The following SSC4D variants were observed in gnomAD, a reference collection of about 807,000 sequenced individuals.
SSC4D encodes the protein scavenger receptor cysteine-rich domain-containing group B protein.
Under a neutral mutation model 63.4 loss-of-function variants are expected in SSC4D, and 57 were observed. The observed-to-expected ratio is 0.90, with a 90% CI of 0.73 to 1.12. SSC4D has a LOEUF of 1.12. SSC4D is among the 50% of genes most tolerant of loss of function. The pLI is 0.00. For missense variants in SSC4D, 791 were observed against 806.4 expected, an observed-to-expected ratio of 0.98 and a Z score of 0.23; for synonymous variants, 352 against 345.4, an observed-to-expected ratio of 1.02 and a Z score of -0.21.
At chr7:76,397,895 A>C (rs1804693955) in intron 5 of SSC4D, 63 bp from the exon 6 acceptor site, 8 of 1,435,764 alleles carry the variant, frequency 5.6e-6, no homozygotes, top group Non-Finnish European at 7.4e-6. Context: ...TCCGCACCGC[A>C]AGGGCAGCCC....
chr7:76,403,402 A>G (rs551826900), intron 2 of SSC4D, among the ~76,000 whole-genome samples: 1 of 150,612 alleles, frequency 6.6e-6, no homozygotes, highest in Non-Finnish European at 1.5e-5. Flanking sequence ...CAATGGCGCA[A>G]TCTCAGCTCA....
At chr7:76,400,174 C>T (rs1804768951) in intron 4 of SSC4D, 112 bp downstream of exon 4, 2 of 1,221,736 alleles carry the variant, frequency 1.6e-6, no homozygotes, top group Non-Finnish European at 2.1e-6. Flanking sequence ...AGCCTCTGGC[C>T]TGATCTGCAT....
At chr7:76,399,544 T>G (rs1294695605) in intron 4 of SSC4D, among the ~76,000 whole-genome samples, 1 of 151,932 alleles carries the variant, frequency 6.6e-6, no homozygotes, top group African/African-American at 2.4e-5. Flanking sequence ...GTTTTTTTCT[T>G]TGTTTTTCGA....
At position 76,400,359 on chromosome 7, in the gene SSC4D, C is replaced by CAAAA; in HGVS notation, c.401_402insTTTT (p.Ser135PhefsTer25). 1 of 1,565,766 alleles carries CAAAA rather than the reference C, an allele frequency of 6.4e-7. No homozygotes were observed. The highest frequency in any genetic ancestry group is 1.9e-5 in the Admixed American group (1 of 53,434). ...CCCAGCCGCGGCTGCCGCACTCGCTCAGCGCAGCTTCCTGCCCGCGGCACT... is the reference window on the plus strand; with the variant it reads ...CCCAGCCGCGGCTGCCGCACTCGCTCAAAAAGCGCAGCTTCCTGCCCGCGGCACT... On this transcript the variant is annotated frameshift_variant, in exon 4 of 11. Coordinates refer to ENST00000275560, the MANE Select transcript of SSC4D (RefSeq NM_080744.2). LOFTEE classifies it high-confidence loss of function.
chr7:76,397,691 C>T lies in SSC4D; in HGVS notation c.695G>A (p.Cys232Tyr). Residue 232 changes from cysteine to tyrosine, a missense_variant, in exon 6 of 11, where the codon TGC (cysteine) becomes TAC (tyrosine). By Grantham distance (194) the Cys-to-Tyr change is radical. Transcript: ENST00000275560. ...GGTGGTGGCGGCCATGGCCGCCCCG[C>T]AGCCCAGCTGACGACAGACCACAGC... Reference protein sequence around the residue: ...DAAVVCRQLGCGAAMAATTNA... With the variant: ...DAAVVCRQLGYGAAMAATTNA... The T allele has an allele frequency of 6.2e-7, 1 of 1,613,452 alleles. No individual in the cohort carries two copies.
At chr7:76,403,626 G>A (rs1209055919) in intron 2 of SSC4D, among the ~76,000 whole-genome samples, 4 of 151,104 alleles carry the variant, frequency 2.6e-5, no homozygotes, top group African/African-American at 9.8e-5. Flanking sequence ...GACAGCCACC[G>A]TGCCTGGCTG....
At chr7:76,400,894 G>T in intron 3 of SSC4D, 114 bp downstream of exon 3, 1 of 1,379,940 alleles carries the variant, frequency 7.2e-7, no homozygotes, top group Non-Finnish European at 1.0e-6. Context: ...CCTGAGATGG[G>T]GGCATCTAGA....
intron 2 of SSC4D, among the ~76,000 whole-genome samples, chr7:76,403,377 A>T (rs544712291): frequency 7.0e-6 from 1 of 143,846 alleles, no homozygotes; most frequent in East Asian, 2.1e-4. Context: ...TCGCCCTGTC[A>T]CTCAGGCTGG....
Position 76,393,445 on chromosome 7 carries a change from G to T in SSC4D, c.1293C>A (p.His431Gln). 6.5e-7 allele frequency: 1 copy of T among 1,530,724 alleles called. No individual in the cohort carries two copies. Among genetic ancestry groups the T allele is most frequent in the Non-Finnish European group, 8.7e-7 (1 of 1,146,760 alleles). 94.8% of individuals were successfully genotyped at this position (1,530,724 alleles called of 1,614,324 possible). ...SDCFHLGWGQ[H>Q]NCGHHEDAGA... ...CCGCGTCCTCGTGGTGGCCGCAGTT[G>T]TGCTGGCCCCAGCCCAGGTGGAAGC... Residue 431 changes from histidine to glutamine, a missense_variant, in exon 9 of 11, where the codon CAC becomes CAA. Transcript: ENST00000275560.
Position 76,393,651 on chromosome 7 carries a change from C to G in SSC4D, c.1087G>C (p.Gly363Arg). 1 of 1,477,162 alleles carries G rather than the reference C, an allele frequency of 6.8e-7. No homozygotes were observed. Among genetic ancestry groups the G allele is most frequent in the Non-Finnish European group, 8.9e-7 (1 of 1,119,766 alleles). 91.5% of individuals were successfully genotyped at this position (1,477,162 alleles called of 1,614,324 possible). A position where few individuals can be genotyped will look rare whatever the true frequency, so the allele number is the denominator to read the frequency against. ...CRGRVEVLHAGGWGTVCDDDW... is the reference protein window; with the variant it reads ...CRGRVEVLHARGWGTVCDDDW... ...TCGTCGCACACGGTGCCCCAGCCCC[C>G]GGCGTGCAACACCTCCACGCGGCCG... The change falls in exon 9 of 11, where the codon GGG (glycine) becomes CGG (arginine). Residue 363 changes from glycine to arginine, a missense_variant. Gly to Arg is a moderately radical substitution (Grantham distance 125, BLOSUM62 -2). Coordinates refer to ENST00000275560, the MANE Select transcript of SSC4D (RefSeq NM_080744.2).
intron 7 of SSC4D, among the ~76,000 whole-genome samples, chr7:76,394,406 TA>T (rs1188846700): frequency 7.4e-6 from 1 of 135,002 alleles, no homozygotes; most frequent in Non-Finnish European, 1.5e-5. Flanking sequence ...CATGCCCAGC[TA>T]ATTTTTTTTT....
intron 10 of SSC4D, among the ~76,000 whole-genome samples, chr7:76,391,106 G>A (rs1035868706): frequency 6.6e-6 from 1 of 152,156 alleles, no homozygotes; most frequent in African/African-American, 2.4e-5. Flanking sequence ...CTGCATTCCA[G>A]CCTGGATGAC....
In SSC4D at chr7:76,409,419, G is replaced by A. The variant is rs1219302391; in HGVS notation, c.-72C>T. On this transcript the variant is annotated 5_prime_UTR_variant, in exon 1 of 11. Transcript: ENST00000275560. ...CAAAAGTGAAGGATTCATACCTGGG[G>A]GAATGTTCTGGGCTCTTTCTGTCCC... The A allele has an allele frequency of 6.6e-6, 1 of 152,372 alleles. No individual in the cohort carries two copies. Among genetic ancestry groups the A allele is most frequent in the East Asian group, 1.9e-4 (1 of 5,204 alleles). The allele number at this position is 152,372 out of a possible 1,614,324, so 9.4% of individuals were successfully genotyped here.
At chr7:76,406,024 C>T (rs1805017163) in intron 1 of SSC4D, among the ~76,000 whole-genome samples, 2 of 151,116 alleles carry the variant, frequency 1.3e-5, no homozygotes, top group South Asian at 2.1e-4. Context: ...CTCGCTCTGT[C>T]GTCCAGGCTG....
intron 9 of SSC4D, among the ~76,000 whole-genome samples, chr7:76,392,779 C>CAAG (rs1277128379): frequency 1.3e-5 from 2 of 151,088 alleles, no homozygotes; most frequent in African/African-American, 4.9e-5. Context: ...AGTGACAGAG[C>CAAG]AAGACTCTGT....
intron 2 of SSC4D, among the ~76,000 whole-genome samples, chr7:76,401,479 C>T (rs1426554521): frequency 1.3e-5 from 2 of 151,964 alleles, no homozygotes; most frequent in Non-Finnish European, 2.9e-5. Flanking sequence ...TGCAATGGCA[C>T]GATCTCAGCT....
At chr7:76,398,614 A>G (rs571071869) in intron 5 of SSC4D, 106 bp downstream of exon 5, 1 of 1,307,968 alleles carries the variant, frequency 7.6e-7, no homozygotes, top group Admixed American at 1.9e-5. Context: ...CATTTTCTCT[A>G]ACTTTACATC....
chr7:76,393,919 C>A lies in SSC4D; in HGVS notation c.947-15G>T. 1 of 1,592,054 alleles carries A rather than the reference C, an allele frequency of 6.3e-7. No homozygotes were observed. Among genetic ancestry groups the A allele is most frequent in the Non-Finnish European group, 8.6e-7 (1 of 1,168,062 alleles). On this transcript the variant is annotated splice_polypyrimidine_tract_variant and intron_variant, in intron 7 of 10. Transcript: ENST00000275560. The stretch of plus-strand genomic sequence containing the variant: ...AACTCCTGTAGCTGTGGAGACAGGG[C>A]ATCTAGGGCGTTCGAAGGGGACGAG...
chr7:76,401,002 A>T lies in SSC4D; in HGVS notation c.169+6T>A, dbSNP rs1804807738. ...AGGGTGAGGAAGGGCGGGGTGGGGC[A>T]CCTACCTTGAAAGGGCAGTGGAGTG... On this transcript the variant is annotated splice_donor_region_variant and intron_variant, in intron 3 of 10. Transcript: ENST00000275560. 6.4e-7 allele frequency: 1 copy of T among 1,550,554 alleles called. No individual in the cohort carries two copies. Among genetic ancestry groups the T allele is most frequent in the African/African-American group, 1.4e-5 (1 of 72,956 alleles).
Sources: gnomAD v4.1 joint callset for allele counts (sites outside exome capture counted in the v4.1 genomes callset) on GRCh38, gnomAD v4.1.1 for gene constraint, MANE v1.5 for transcripts, NCBI Gene and HGNC (gene_info 2026-07-23, HGNC 2026-07-21) for gene names.